The following CYRIB variants were observed in gnomAD, a reference collection of about 807,000 sequenced individuals.
The protein encoded by CYRIB is CYFIP related Rac1 interactor B.
In CYRIB, 8 loss-of-function variants were observed where a neutral mutation model predicts 44.2. The ratio of observed to expected loss-of-function variants is 0.18; its 90% CI spans 0.11 to 0.33. The LOEUF (loss-of-function observed/expected upper bound fraction) is 0.33, where lower values mean the gene tolerates loss of function less well. Ranked by LOEUF, CYRIB falls within the 10% of genes least tolerant of loss-of-function variation. The pLI is 1.00. For synonymous variants in CYRIB, 131 were observed against 127.2 expected, an observed-to-expected ratio of 1.03 and a Z score of -0.20; for missense variants, 185 against 382.8, an observed-to-expected ratio of 0.48 and a Z score of 4.31.
At chr8:130,016,168 G>A (rs1167270609) in intron 1 of CYRIB, among the ~76,000 whole-genome samples, 3 of 146,040 alleles carry the variant, frequency 2.1e-5, no homozygotes, top group South Asian at 2.1e-4. Context: ...CGCGCCCGCC[G>A]GCCCGGACGC....
chr8:129,924,769 C>A (rs2086439256), intron 1 of CYRIB, among the ~76,000 whole-genome samples: 1 of 151,994 alleles, frequency 6.6e-6, no homozygotes, highest in South Asian at 2.1e-4. Context: ...AGCTGGAGAC[C>A]AGCCTGGGCA....
intron 7 of CYRIB, among the ~76,000 whole-genome samples, chr8:129,853,748 G>C (rs924623678): frequency 6.6e-6 from 1 of 152,154 alleles, no homozygotes; most frequent in Non-Finnish European, 1.5e-5. Flanking sequence ...TAGCCAAGGA[G>C]CAGGCACAAA....
intron 1 of CYRIB, among the ~76,000 whole-genome samples, chr8:129,917,869 A>C (rs2081547866): frequency 6.6e-6 from 1 of 152,176 alleles, no homozygotes; most frequent in Admixed American, 6.5e-5. Flanking sequence ...AAAAGAAAAA[A>C]AGTCATTTTT....
chr8:129,880,149 A>G (rs550513081), intron 2 of CYRIB, among the ~76,000 whole-genome samples: 2 of 152,372 alleles, frequency 1.3e-5, no homozygotes, highest in Admixed American at 6.5e-5. Flanking sequence ...TCATGGACTA[A>G]TGAAAGGACA....
intron 1 of CYRIB, among the ~76,000 whole-genome samples, chr8:129,987,031 C>A (rs865951347): frequency 1.3e-5 from 2 of 152,340 alleles, no homozygotes; most frequent in African/African-American, 4.8e-5. Flanking sequence ...AGACTTCTCT[C>A]ACACTTTGGC....
In CYRIB at chr8:129,861,733, G is replaced by C. The variant is rs566612893; in HGVS notation, c.301+496C>G. On this transcript the variant is annotated intron_variant, in intron 5 of 11. Coordinates refer to ENST00000519824, the Ensembl canonical transcript of CYRIB. The stretch of plus-strand genomic sequence containing the variant: ...CTCCAAGTGTTGGGATTACAGAAAT[G>C]AGCAAGCACACCCAGCCTATTTCTC... Among the ~76,000 whole-genome samples, 16 of 151,852 alleles carry C rather than the reference G, an allele frequency of 1.1e-4. 1 individual carries two copies. In the East Asian group the frequency reaches 2.7e-3, roughly 26 times the overall value.
chr8:130,013,101 T>C (rs1162992907), intron 1 of CYRIB, among the ~76,000 whole-genome samples: 1 of 152,224 alleles, frequency 6.6e-6, no homozygotes, highest in Non-Finnish European at 1.5e-5. Flanking sequence ...GAGACGCCTA[T>C]ACGCTTGCTG....
upstream of CYRIB, chr8:130,016,503 CGCG>C: frequency 6.4e-6 from 1 of 156,126 alleles, no homozygotes; most frequent in Non-Finnish European, 1.4e-5. Flanking sequence ...CTGCCCCCGC[CGCG>C]GCGGCAGCAG....
At chr8:129,975,628 C>T (rs944164469) in intron 1 of CYRIB, among the ~76,000 whole-genome samples, 5 of 152,172 alleles carry the variant, frequency 3.3e-5, no homozygotes, top group Non-Finnish European at 7.3e-5. Flanking sequence ...ACTTTTAAAG[C>T]AACATTTTCT....
intron 1 of CYRIB, among the ~76,000 whole-genome samples, chr8:130,015,440 A>C (rs1232598835): frequency 6.6e-6 from 1 of 152,122 alleles, no homozygotes; most frequent in Admixed American, 6.5e-5. Flanking sequence ...AGACTCAGAG[A>C]GGGTAAGCGA....
intron 2 of CYRIB, among the ~76,000 whole-genome samples, chr8:129,886,418 C>G (rs1386183648): frequency 6.6e-6 from 1 of 151,958 alleles, no homozygotes; most frequent in East Asian, 1.9e-4. Context: ...TTTCAGTACC[C>G]TTCTGTTTGG....
At chr8:129,898,075 A>AT (rs1266727481) in intron 2 of CYRIB, among the ~76,000 whole-genome samples, 2 of 119,410 alleles carry the variant, frequency 1.7e-5, no homozygotes, top group African/African-American at 3.2e-5. Context: ...CAATCTAAAA[A>AT]TTTTTTTTAA....
At chr8:129,995,007 A>T (rs1344802106) in intron 1 of CYRIB, among the ~76,000 whole-genome samples, 1 of 152,254 alleles carries the variant, frequency 6.6e-6, no homozygotes, top group East Asian at 1.9e-4. Flanking sequence ...GCGAGAAAGA[A>T]TGTGTGGTCC....
At chr8:129,987,967 T>C (rs2096525467) in intron 1 of CYRIB, among the ~76,000 whole-genome samples, 1 of 152,238 alleles carries the variant, frequency 6.6e-6, no homozygotes, top group Non-Finnish European at 1.5e-5. Context: ...CACCATCAGC[T>C]GACCCTGATG....
intron 1 of CYRIB, among the ~76,000 whole-genome samples, chr8:129,935,054 T>C (rs768508130): frequency 1.3e-5 from 2 of 152,228 alleles, no homozygotes; most frequent in African/African-American, 2.4e-5. Context: ...ATAAAAACTC[T>C]CTTCCTCTCC....
At chr8:129,899,290 AC>A (rs1352431146) in intron 2 of CYRIB, among the ~76,000 whole-genome samples, 1 of 152,234 alleles carries the variant, frequency 6.6e-6, no homozygotes, top group Non-Finnish European at 1.5e-5. Context: ...ATGACAAATG[AC>A]AAGGCCAGGT....
intron 4 of CYRIB, among the ~76,000 whole-genome samples, chr8:129,865,930 G>GAC (rs1183710244): frequency 1.3e-5 from 2 of 152,176 alleles, no homozygotes; most frequent in Non-Finnish European, 2.9e-5. Context: ...ACTAATTTGT[G>GAC]ACCATTATGA....
chr8:129,946,341 G>C (rs1341073133), intron 2 of CYRIB, among the ~76,000 whole-genome samples: 2 of 152,158 alleles, frequency 1.3e-5, no homozygotes, highest in Non-Finnish European at 2.9e-5. Flanking sequence ...CTCCTCAATT[G>C]AACATTCAGG....
chr8:129,931,860 C>A (rs2091498860), intron 1 of CYRIB, among the ~76,000 whole-genome samples: 2 of 152,134 alleles, frequency 1.3e-5, no homozygotes, highest in Admixed American at 1.3e-4. Context: ...CTCCTGGCCT[C>A]AAGTGATTTG....
Sources: gnomAD v4.1 joint callset for allele counts (sites outside exome capture counted in the v4.1 genomes callset) on GRCh38, gnomAD v4.1.1 for gene constraint, MANE v1.5 for transcripts, NCBI Gene and HGNC (gene_info 2026-07-23, HGNC 2026-07-21) for gene names.